UNK: variants seen among roughly 807,000 people sequenced by gnomAD.
The protein encoded by UNK is RING finger protein unkempt homolog.
UNK carries 32 observed loss-of-function variants against 97.6 expected under a neutral mutation model. The ratio of observed to expected loss-of-function variants is 0.33; its 90% confidence interval spans 0.25 to 0.44. UNK has a LOEUF of 0.44. Among genes scored for constraint, UNK ranks in the 20% least tolerant of loss-of-function variants. The pLI is 1.00. For synonymous variants in UNK, 441 were observed against 461.2 expected, an observed-to-expected ratio of 0.96 and a Z score of 0.56; for missense variants, 771 against 1,098.4, an observed-to-expected ratio of 0.70 and a Z score of 4.21.
chr17:75,806,805 C>T lies in UNK; in HGVS notation c.105-2955C>T, dbSNP rs7214214. Among the ~76,000 whole-genome samples, 1,366 of 152,174 alleles carry T rather than the reference C, an allele frequency of 9.0e-3. 21 individuals are homozygous for T. The highest frequency in any genetic ancestry group is 0.031 in the African/African-American group (1,305 of 41,528). On this transcript the variant is annotated intron_variant, in intron 1 of 15. Coordinates refer to ENST00000589666, the MANE Select transcript of UNK (RefSeq NM_001080419.3). ...TAATAATAATAGTAAGAGTTAAATT[C>T]GGGCTCTAGGAAGAGGGTTGAGCAC...
At chr17:75,800,741 A>G (rs1352414361) in intron 1 of UNK, among the ~76,000 whole-genome samples, 1 of 151,554 alleles carries the variant, frequency 6.6e-6, no homozygotes, top group Non-Finnish European at 1.5e-5. Context: ...TGTCTCAAAA[A>G]ATAAAAAATA....
At chr17:75,793,980 T>A (rs1485138513) in intron 1 of UNK, 1 of 985,284 alleles carries the variant, frequency 1.0e-6, no homozygotes, top group Non-Finnish European at 1.2e-6. Context: ...TATACGTTTC[T>A]GATGTCACTT....
chr17:75,824,283 G>T lies in UNK; in HGVS notation c.2299G>T (p.Val767Leu), dbSNP rs2062097830. The change falls in exon 16 of 16, where the codon GTG becomes TTG. Residue 767 changes from valine (V) to leucine (L), a missense_variant. Physicochemically the swap from Val to Leu is conservative, Grantham distance 32. Coordinates refer to ENST00000589666, the MANE Select transcript of UNK (RefSeq NM_001080419.3). The surrounding 1 kb of genome is among the most constrained non-coding windows in gnomAD (Gnocchi z 4.9). Reference sequence around the variant, plus strand: ...GCAGGCCGTGTTCCACATGCAGTCGGTGAAATGCCTTAAGTGTCAGGAACA... The same window carrying T: ...GCAGGCCGTGTTCCACATGCAGTCGTTGAAATGCCTTAAGTGTCAGGAACA... The part of the protein sequence containing the change: ...VDKAVFHMQS[V>L]KCLKCQEQKR... 5.6e-6 allele frequency: 9 copies of T among 1,602,152 alleles called. 1 individual carries two copies. In the East Asian group the frequency reaches 2.1e-4, roughly 37 times the overall value.
chr17:75,823,405 A>G lies in UNK; in HGVS notation c.2160A>G (p.Leu720=), dbSNP rs2062087800. Residue 720 remains leucine, a synonymous_variant, in exon 15 of 16, where the codon CTA becomes CTG. Transcript: ENST00000589666. ...AGCTCCAGGAGGAGCTGGAGCGGCT[A>G]CACGCGGGGCCTGAGCCCCAGGCCC... ...VKKLQEELER[L]HAGPEPQALP... 1.2e-6 allele frequency: 2 copies of G among 1,605,470 alleles called. No individual in the cohort carries two copies. Among genetic ancestry groups the G allele is most frequent in the Admixed American group, 1.7e-5 (1 of 58,794 alleles).
chr17:75,810,317 C>T (rs1384842101), intron 2 of UNK, among the ~76,000 whole-genome samples: 2 of 152,244 alleles, frequency 1.3e-5, no homozygotes, highest in Non-Finnish European at 2.9e-5. Context: ...CTCACTGGTG[C>T]CCAGGTTTGC....
At chr17:75,823,128 C>A in intron 14 of UNK, 137 bp from the exon 15 acceptor site, 1 of 1,378,024 alleles carries the variant, frequency 7.3e-7, no homozygotes, top group Non-Finnish European at 9.7e-7. Flanking sequence ...CATCAGCCTC[C>A]TCCTTGCCCT....
chr17:75,787,554 G>A (rs1397963655), intron 1 of UNK, among the ~76,000 whole-genome samples: 2 of 150,426 alleles, frequency 1.3e-5, no homozygotes, highest in African/African-American at 2.4e-5. Context: ...GGCAGGGTGC[G>A]GTTGCTCACA....
At position 75,823,495 on chromosome 17, in the gene UNK, G is replaced by A. The variant is rs1166443559; in HGVS notation, c.2250G>A (p.Leu750=). The A allele has an allele frequency of 6.4e-7, 1 of 1,567,158 alleles. No homozygotes were observed. Among genetic ancestry groups the A allele is most frequent in the East Asian group, 2.3e-5 (1 of 43,366 alleles). ...LSTLYSLQKQ[L]RAHLEQVDKA... is the part of the protein sequence containing the mutation. The stretch of plus-strand genomic sequence containing the variant: ...CCCTCTACTCCCTCCAGAAACAACT[G>A]CGGGCCCACCTGGAACAAGTGGACA... Residue 750 remains leucine (L), a synonymous_variant, in exon 15 of 16, where the codon CTG becomes CTA. Coordinates refer to ENST00000589666, the MANE Select transcript of UNK (RefSeq NM_001080419.3).
At position 75,816,976 on chromosome 17, in the gene UNK, G is replaced by C; in HGVS notation, c.1104+64G>C. The C allele has an allele frequency of 6.5e-7, 1 of 1,526,914 alleles. No homozygotes were observed. Among genetic ancestry groups the C allele is most frequent in the Non-Finnish European group, 8.8e-7 (1 of 1,138,824 alleles). The allele number at this position is 1,526,914 out of a possible 1,614,324, so 94.6% of individuals were successfully genotyped here. On this transcript the variant is annotated intron_variant, in intron 8 of 15. Transcript: ENST00000589666. This position sits in a 1 kb window ranked among gnomAD's most constrained non-coding sequence, Gnocchi z 4.0. ...TGACAGAGCCAATACTTGCCTCCTA[G>C]GCCCTTTCAGCCTGGGCTTGGGAGA...
At chr17:75,787,835 AAAAG>A (rs1421107190) in intron 1 of UNK, among the ~76,000 whole-genome samples, 1 of 151,604 alleles carries the variant, frequency 6.6e-6, no homozygotes, top group Non-Finnish European at 1.5e-5. Context: ...AAAAAAAAAA[AAAAG>A]AGAGACGTGA....
At position 75,819,972 on chromosome 17, in the gene UNK, C is replaced by T; in HGVS notation, c.1701C>T (p.Gly567=). Residue 567 remains glycine, a synonymous_variant, in exon 13 of 16, where the codon GGC becomes GGT. Coordinates refer to ENST00000589666, the MANE Select transcript of UNK (RefSeq NM_001080419.3). This position sits in a 1 kb window ranked among gnomAD's most constrained non-coding sequence, Gnocchi z 5.4. ...SAPVNIPGSL[G]SSASFHSASP... is the part of the protein sequence containing the mutation. Reference sequence around the variant, plus strand: ...CCGTGAACATCCCCGGCTCCTTGGGCAGCTCTGCCTCCTTCCACTCAGCAT... The same window carrying T: ...CCGTGAACATCCCCGGCTCCTTGGGTAGCTCTGCCTCCTTCCACTCAGCAT... 1 of 1,613,168 alleles carries T rather than the reference C, an allele frequency of 6.2e-7. No homozygotes were observed. The highest frequency in any genetic ancestry group is 1.6e-4 in the Middle Eastern group (1 of 6,062).
At position 75,819,733 on chromosome 17, in the gene UNK, G is replaced by A. The variant is rs369178404; in HGVS notation, c.1596G>A (p.Leu532=). 1.2e-6 allele frequency: 2 copies of A among 1,613,772 alleles called. No individual in the cohort carries two copies. The highest frequency in any genetic ancestry group is 1.1e-5 in the South Asian group (1 of 91,094). ...TGAATGAGTTTGGCGTGGCCGCCCT[G>A]GAGAAGACTTTCGATAACAGCACAG... ...LDLNEFGVAA[L]EKTFDNSTVP... The change falls in exon 12 of 16, where the codon CTG becomes CTA. Residue 532 remains leucine (L), a synonymous_variant. Transcript: ENST00000589666. The surrounding 1 kb of genome is among the most constrained non-coding windows in gnomAD (Gnocchi z 5.4).
chr17:75,813,040 C>T (rs942848338), intron 4 of UNK, 38 bp from the exon 5 acceptor site: 1 of 1,553,724 alleles, frequency 6.4e-7, no homozygotes, highest in South Asian at 1.2e-5. Flanking sequence ...TGCTCCAGCT[C>T]CTCTCACCTG....
rs563526553 is a variant in UNK, at chr17:75,807,107, G to A, written c.105-2653G>A. ...GACCTTTCCTTCTCCAGGACAGACT[G>A]TGCCCAGAGGCAGGCTGAACATATC... On this transcript the variant is annotated intron_variant, in intron 1 of 15. Coordinates refer to ENST00000589666, the MANE Select transcript of UNK (RefSeq NM_001080419.3). 6.6e-5 allele frequency among the ~76,000 whole-genome samples: 10 copies of A among 152,346 alleles called. No individual in the cohort carries two copies. In the South Asian group the frequency reaches 2.1e-3, roughly 32 times the overall value.
intron 1 of UNK, 71 bp from the exon 2 acceptor site, chr17:75,809,688 TA>T: frequency 6.6e-7 from 1 of 1,521,816 alleles, no homozygotes; most frequent in South Asian, 1.2e-5. Flanking sequence ...ACTTGGCGGC[TA>T]ACTTCTTGCT....
Position 75,816,348 on chromosome 17 carries a change from T to C in UNK, c.962-422T>C, listed in dbSNP as rs8073701. ...AGGGCCCTGGGCGGGAGAAGCATATTCTTGATGCAGAGGTGGTCCCCGGCC... is the reference window on the plus strand; with the variant it reads ...AGGGCCCTGGGCGGGAGAAGCATATCCTTGATGCAGAGGTGGTCCCCGGCC... On this transcript the variant is annotated intron_variant, in intron 7 of 15. Transcript: ENST00000589666. The surrounding 1 kb of genome is among the most constrained non-coding windows in gnomAD (Gnocchi z 4.0). 0.017 allele frequency among the ~76,000 whole-genome samples: 2,649 copies of C among 152,212 alleles called. 79 individuals are homozygous for C. The highest frequency in any genetic ancestry group is 0.06 in the African/African-American group (2,504 of 41,504).
chr17:75,791,141 T>G (rs1363452828), intron 1 of UNK, among the ~76,000 whole-genome samples: 1 of 152,164 alleles, frequency 6.6e-6, no homozygotes, highest in Non-Finnish European at 1.5e-5. Context: ...TCTAGTTTAG[T>G]GAAGGTTTGC....
intron 5 of UNK, 117 bp from the exon 6 acceptor site, chr17:75,813,644 C>G: frequency 1.2e-6 from 1 of 869,288 alleles, no homozygotes; most frequent in Non-Finnish European, 1.7e-6. Flanking sequence ...CCTGACTCTG[C>G]AGCTGGTCTT....
In UNK at chr17:75,813,857, C is replaced by T. The variant is rs376162720; in HGVS notation, c.855C>T (p.Thr285=). The T allele has an allele frequency of 3.5e-5, 55 of 1,592,390 alleles. No homozygotes were observed. The highest frequency in any genetic ancestry group is 1.2e-4 in the African/African-American group (9 of 74,504). Residue 285 remains threonine (T), a synonymous_variant, in exon 6 of 16, where the codon ACC becomes ACT. Transcript: ENST00000589666. ...GDACQYCHTR[T]EQQFHPEIYK... ...CCTGCCAGTACTGCCACACCCGCACCGAGCAGCAGTTCCACCCCGAGGTGG... is the reference window on the plus strand; with the variant it reads ...CCTGCCAGTACTGCCACACCCGCACTGAGCAGCAGTTCCACCCCGAGGTGG...
Sources: allele counts gnomAD v4.1 joint callset (sites outside exome capture counted in the v4.1 genomes callset), GRCh38; gene constraint gnomAD v4.1.1; non-coding constraint Gnocchi (gnomAD v3.1); transcripts MANE v1.5; gene names NCBI Gene and HGNC (gene_info 2026-07-23, HGNC 2026-07-21).